KIF9: variants seen among roughly 807,000 people sequenced by gnomAD.
KIF9 encodes kinesin-like protein KIF9.
Under a neutral mutation model 94.8 loss-of-function variants are expected in KIF9, and 68 were observed. That is an observed-to-expected ratio of 0.72 (90% CI 0.59 to 0.88). KIF9 has a LOEUF of 0.88. Among genes scored for constraint, KIF9 ranks in the 40% least tolerant of loss-of-function variants. The pLI is 0.00. For missense variants in KIF9, 882 were observed against 982.5 expected (o/e 0.90, Z 1.37); for synonymous variants, 343 against 362.1 (o/e 0.95, Z 0.60).
Position 47,243,316 on chromosome 3 carries a change from C to A in KIF9, c.1515-71G>T, listed in dbSNP as rs986018284. The stretch of plus-strand genomic sequence containing the variant: ...GTTATCAGATGCCAGGATGAGTGAC[C>A]TTTCTCAGCACTGACTACACTGGGA... On this transcript the variant is annotated intron_variant, in intron 15 of 20. Coordinates refer to ENST00000684063, the MANE Select transcript of KIF9 (RefSeq NM_182902.4). 131 of 1,350,216 alleles carry A rather than the reference C, an allele frequency of 9.7e-5. 1 individual carries two copies. In the South Asian group the frequency reaches 1.5e-3, roughly 15 times the overall value. 83.6% of individuals were successfully genotyped at this position (1,350,216 alleles called of 1,614,324 possible). A position where few individuals can be genotyped will look rare whatever the true frequency, so the allele number is the denominator to read the frequency against.
rs990751174 is a variant in KIF9, at chr3:47,282,632, T to G, written c.-143A>C. ...TCCGGGGATTCCGGAAGTGTCGGGGTGGCGGAAATGAAGTCCGAGGTCCTA... is the reference window on the plus strand; with the variant it reads ...TCCGGGGATTCCGGAAGTGTCGGGGGGGCGGAAATGAAGTCCGAGGTCCTA... On this transcript the variant is annotated 5_prime_UTR_variant, in exon 1 of 21. Transcript: ENST00000684063. 2.6e-6 allele frequency: 3 copies of G among 1,136,590 alleles called. No homozygotes were observed. The highest frequency in any genetic ancestry group is 2.5e-5 in the South Asian group (1 of 40,624). The allele number at this position is 1,136,590 out of a possible 1,614,324, so 70.4% of individuals were successfully genotyped here. A position where few individuals can be genotyped will look rare whatever the true frequency, so the allele number is the denominator to read the frequency against.
chr3:47,280,103 G>A (rs192089079), intron 1 of KIF9, among the ~76,000 whole-genome samples: 1 of 152,184 alleles, frequency 6.6e-6, no homozygotes, highest in African/African-American at 2.4e-5. Context: ...TAGGACAGGT[G>A]TGTGTCACCA....
intron 18 of KIF9, 138 bp from the exon 19 acceptor site, chr3:47,236,287 G>T: frequency 1.0e-6 from 1 of 999,296 alleles, no homozygotes; most frequent in Non-Finnish European, 1.5e-6. Context: ...TCCATCTCTG[G>T]CCCTCACAGT....
At chr3:47,262,482 CTG>C (rs981904877) in intron 9 of KIF9, among the ~76,000 whole-genome samples, 1 of 152,136 alleles carries the variant, frequency 6.6e-6, no homozygotes, top group African/African-American at 2.4e-5. Context: ...GTTGGCCAGG[CTG>C]GTCTCAAACT....
At chr3:47,236,010 C>T (rs1332817451) in intron 19 of KIF9, 24 bp downstream of exon 19, 3 of 1,554,250 alleles carry the variant, frequency 1.9e-6, no homozygotes, top group South Asian at 1.1e-5. Flanking sequence ...ACCACTGCCA[C>T]ACCCCTGCCC....
At chr3:47,235,994 TGTTCAACCACTGCCACAC>T in intron 19 of KIF9, 22 bp downstream of exon 19, 2 of 1,454,312 alleles carry the variant, frequency 1.4e-6, no homozygotes, top group South Asian at 2.3e-5. Flanking sequence ...CATTGCCCCA[TGTTCAACCACTGCCACAC>T]CCCTGCCCCT....
chr3:47,280,835 C>T (rs1702284768), intron 1 of KIF9: 1 of 692,224 alleles, frequency 1.4e-6, no homozygotes, highest in African/African-American at 1.7e-5. Flanking sequence ...CCAAGCAGGC[C>T]AGGAGCCATA....
intron 1 of KIF9, among the ~76,000 whole-genome samples, chr3:47,279,294 G>A (rs980019867): frequency 3.3e-5 from 5 of 151,010 alleles, no homozygotes; most frequent in African/African-American, 1.2e-4. Flanking sequence ...CCAACATGAC[G>A]AAACCCTGTT....
intron 10 of KIF9, 104 bp downstream of exon 10, chr3:47,257,379 G>C (rs970011802): frequency 1.0e-6 from 1 of 982,474 alleles, no homozygotes; most frequent in Non-Finnish European, 1.6e-6. Flanking sequence ...GCTGCATGGG[G>C]ATCTTTGGTT....
At chr3:47,271,992 C>T (rs1202554213) in intron 4 of KIF9, among the ~76,000 whole-genome samples, 6 of 152,034 alleles carry the variant, frequency 3.9e-5, no homozygotes, top group African/African-American at 1.2e-4. Context: ...TGGTGGCGTG[C>T]GCCTGTAGTC....
intron 1 of KIF9, 135 bp downstream of exon 1, chr3:47,282,360 C>G: frequency 4.1e-6 from 4 of 985,998 alleles, no homozygotes; most frequent in Non-Finnish European, 4.8e-6. Flanking sequence ...CCTCCTTCGC[C>G]TGGGTTTCAG....
chr3:47,257,350 G>T, intron 10 of KIF9, 133 bp downstream of exon 10: 1 of 778,642 alleles, frequency 1.3e-6, no homozygotes, highest in Non-Finnish European at 2.2e-6. Context: ...GTCCAGGAGT[G>T]GAAAAGGGCT....
chr3:47,233,066 G>A (rs900365075), intron 20 of KIF9, among the ~76,000 whole-genome samples: 1 of 150,456 alleles, frequency 6.6e-6, no homozygotes, highest in Non-Finnish European at 1.5e-5. Context: ...ATATCACAAA[G>A]AGCTAATTTC....
At chr3:47,252,700 G>A (rs946022757) in intron 10 of KIF9, among the ~76,000 whole-genome samples, 7 of 152,090 alleles carry the variant, frequency 4.6e-5, no homozygotes, top group Admixed American at 3.9e-4. Flanking sequence ...ATAATCCTAA[G>A]CTAAGGGAAC....
intron 17 of KIF9, among the ~76,000 whole-genome samples, chr3:47,238,973 C>T (rs1575943046): frequency 6.6e-6 from 1 of 152,198 alleles, no homozygotes; most frequent in Non-Finnish European, 1.5e-5. Flanking sequence ...GAAAATCGGG[C>T]AGATCACCTG....
At chr3:47,267,988 C>T (rs1408411746) in intron 5 of KIF9, among the ~76,000 whole-genome samples, 2 of 151,454 alleles carry the variant, frequency 1.3e-5, no homozygotes, top group African/African-American at 2.4e-5. Context: ...CCTCCCACCT[C>T]GGCTTCCTGA....
intron 6 of KIF9, 38 bp from the exon 7 acceptor site, chr3:47,267,106 G>A: frequency 6.2e-7 from 1 of 1,606,654 alleles, no homozygotes; most frequent in Non-Finnish European, 8.5e-7. Context: ...CTGTCACAGG[G>A]AGAAGTTTCT....
rs1700692110 is a variant in KIF9, at chr3:47,257,421, C to G, written c.1059+62G>C. 1.9e-5 allele frequency: 27 copies of G among 1,433,566 alleles called. No individual in the cohort carries two copies. In the South Asian group the frequency reaches 3.0e-4, roughly 16 times the overall value. 88.8% of individuals were successfully genotyped at this position (1,433,566 alleles called of 1,614,324 possible). ...GGAAGGGAAGGCTCGCTTGTGTGACCCAAGCAGCAAACCCATACACTTTCC... is the reference window on the plus strand; with the variant it reads ...GGAAGGGAAGGCTCGCTTGTGTGACGCAAGCAGCAAACCCATACACTTTCC... On this transcript the variant is annotated intron_variant, in intron 10 of 20. Coordinates refer to ENST00000684063, the MANE Select transcript of KIF9 (RefSeq NM_182902.4).
intron 4 of KIF9, 37 bp downstream of exon 4, chr3:47,273,515 A>G: frequency 6.8e-7 from 1 of 1,477,604 alleles, no homozygotes; most frequent in South Asian, 1.3e-5. Context: ...GAGAGAGGGA[A>G]CCTGTGTGGC....
Sources: allele counts gnomAD v4.1 joint callset (sites outside exome capture counted in the v4.1 genomes callset), GRCh38; gene constraint gnomAD v4.1.1; transcripts MANE v1.5; gene names NCBI Gene and HGNC (gene_info 2026-07-23, HGNC 2026-07-21).